Variants in RXRA observed in about 807,000 individuals in gnomAD.
RXRA encodes retinoic acid receptor RXR-alpha.
A neutral mutation model predicts 44.5 loss-of-function variants in RXRA; 5 were observed. That is an observed-to-expected ratio of 0.11 (90% CI 0.06 to 0.24). The LOEUF is 0.24. Among genes scored for constraint, RXRA ranks in the 10% least tolerant of loss-of-function variants. The pLI, the probability that RXRA is intolerant of heterozygous loss-of-function variation, is 1.00. For synonymous variants in RXRA, 291 were observed against 271.4 expected (o/e 1.07, Z -0.71); for missense variants, 412 against 646.5 (o/e 0.64, Z 3.93).
intron 1 of RXRA, among the ~76,000 whole-genome samples, chr9:134,339,729 G>A (rs1830061784): frequency 6.7e-6 from 1 of 149,804 alleles, no homozygotes; most frequent in South Asian, 2.1e-4. Context: ...GCCTGTGTGT[G>A]TGTGTCTATG....
chr9:134,391,504 CG>C (rs1830799288), intron 1 of RXRA, among the ~76,000 whole-genome samples: 1 of 152,242 alleles, frequency 6.6e-6, no homozygotes, highest in East Asian at 1.9e-4. Flanking sequence ...GCCACACAGG[CG>C]GGCTGTGGGG....
rs1831664018 is a variant in RXRA at position 134,438,309 on chromosome 9, G to A, written c.*1695G>A. 1 of 152,308 alleles carries A rather than the reference G, an allele frequency of 6.6e-6. No homozygotes were observed. The highest frequency in any genetic ancestry group is 1.5e-5 in the Non-Finnish European group (1 of 68,102). 9.4% of individuals were successfully genotyped at this position (152,308 alleles called of 1,614,324 possible). On this transcript the variant is annotated 3_prime_UTR_variant, in exon 10 of 10. Coordinates refer to ENST00000481739, the MANE Select transcript of RXRA (RefSeq NM_002957.6). ...TTGGACCGGGAGGCAGTGGCTTGGA[G>A]AGGCAGCTTTCCAGCCTTGGTGGGG... is the stretch of plus-strand genomic sequence containing the variant.
At chr9:134,360,738 G>A (rs1478160077) in intron 1 of RXRA, among the ~76,000 whole-genome samples, 1 of 152,196 alleles carries the variant, frequency 6.6e-6, no homozygotes, top group Non-Finnish European at 1.5e-5. Flanking sequence ...GTTCTGGCTA[G>A]AATCTCCTGG....
chr9:134,417,304 A>G lies in RXRA; in HGVS notation c.757A>G (p.Asn253Asp), dbSNP rs1310625281. Residue 253 changes from asparagine to aspartate, a missense_variant, in exon 5 of 10, where the codon AAC (asparagine) becomes GAC (aspartate). Transcript: ENST00000481739. This position sits in a 1 kb window ranked among gnomAD's most constrained non-coding sequence, Gnocchi z 6.1. ...CAAGACCGAGACCTACGTGGAGGCA[A>G]ACATGGGGCTGAACCCCAGCTCGGT... ...EPKTETYVEA[N>D]MGLNPSSPND... is the part of the protein sequence containing the mutation. 3.1e-6 allele frequency: 5 copies of G among 1,613,734 alleles called. No homozygotes were observed. Among genetic ancestry groups the G allele is most frequent in the Non-Finnish European group, 4.2e-6 (5 of 1,179,950 alleles).
chr9:134,362,684 A>G (rs1376440010), intron 1 of RXRA, among the ~76,000 whole-genome samples: 3 of 152,148 alleles, frequency 2.0e-5, no homozygotes, highest in Non-Finnish European at 4.4e-5. Context: ...ACCTACAGAC[A>G]CACACTGCCG....
chr9:134,372,795 C>T (rs1830506554), intron 1 of RXRA, among the ~76,000 whole-genome samples: 1 of 152,220 alleles, frequency 6.6e-6, no homozygotes, highest in Non-Finnish European at 1.5e-5. Flanking sequence ...GCAGGCGAGT[C>T]CTGGCTCTGC....
At chr9:134,353,699 G>A (rs1237681803) in intron 1 of RXRA, among the ~76,000 whole-genome samples, 1 of 152,232 alleles carries the variant, frequency 6.6e-6, no homozygotes, top group Non-Finnish European at 1.5e-5. Context: ...GGGTGGGGGT[G>A]CCAGGCCCTG....
At chr9:134,350,747 G>T (rs1484178890) in intron 1 of RXRA, among the ~76,000 whole-genome samples, 4 of 152,248 alleles carry the variant, frequency 2.6e-5, no homozygotes, top group Admixed American at 6.5e-5. Context: ...CGAGGTGGGT[G>T]GGGGTGGGGA....
Position 134,437,686 on chromosome 9 carries a change from CCG to C in RXRA, c.*1075_*1076del, listed in dbSNP as rs1831647834. 6.6e-6 allele frequency: 1 copy of C among 152,332 alleles called. No individual in the cohort carries two copies. Among genetic ancestry groups the C allele is most frequent in the Non-Finnish European group, 1.5e-5 (1 of 68,144 alleles). The allele number at this position is 152,332 out of a possible 1,614,324, so 9.4% of individuals were successfully genotyped here. On this transcript the variant is annotated 3_prime_UTR_variant, in exon 10 of 10. Transcript: ENST00000481739. Reference sequence around the variant, plus strand: ...GAGCCTCGTGGGTGGGGCAGATGCTCCGCGGCCTGGAGTGGCTCTGCCGGGGC... The same window carrying C: ...GAGCCTCGTGGGTGGGGCAGATGCTCCGGCCTGGAGTGGCTCTGCCGGGGC...
At chr9:134,350,084 G>C (rs1218330126) in intron 1 of RXRA, among the ~76,000 whole-genome samples, 1 of 151,952 alleles carries the variant, frequency 6.6e-6, no homozygotes, top group East Asian at 1.9e-4. Context: ...GTAGGGGGGG[G>C]TGGAAGGTGG....
intron 1 of RXRA, among the ~76,000 whole-genome samples, chr9:134,396,042 G>A (rs1014096500): frequency 2.6e-5 from 4 of 152,190 alleles, no homozygotes; most frequent in Non-Finnish European, 4.4e-5. Flanking sequence ...AGCCCACCCC[G>A]CCGAGGGCCC....
intron 6 of RXRA, chr9:134,425,271 C>T (rs1260083844): frequency 3.5e-5 from 34 of 985,256 alleles, no homozygotes; most frequent in African/African-American, 5.2e-5. Flanking sequence ...GGCTGCTGCC[C>T]TACCCGTCCA....
intron 1 of RXRA, among the ~76,000 whole-genome samples, chr9:134,387,517 C>G (rs911472763): frequency 6.6e-6 from 1 of 152,276 alleles, no homozygotes; most frequent in African/African-American, 2.4e-5. Context: ...TTTAGCCCAG[C>G]CTTCCTCAGC....
At chr9:134,424,950 C>T in intron 6 of RXRA, 3 of 985,476 alleles carry the variant, frequency 3.0e-6, no homozygotes, top group Non-Finnish European at 3.6e-6. Flanking sequence ...TGTCCCTGTG[C>T]TAGGCCCTCC....
intron 2 of RXRA, chr9:134,405,952 C>G (rs1831043895): frequency 6.6e-6 from 1 of 152,324 alleles, no homozygotes; most frequent in South Asian, 2.1e-4. Flanking sequence ...CCTGGGACAC[C>G]CCTTTCTTCC....
chr9:134,341,875 G>T (rs1393730627), intron 1 of RXRA, among the ~76,000 whole-genome samples: 1 of 152,138 alleles, frequency 6.6e-6, no homozygotes, highest in Non-Finnish European at 1.5e-5. Context: ...TGCGTGACTG[G>T]CAGCGTCACT....
intron 1 of RXRA, among the ~76,000 whole-genome samples, chr9:134,362,759 G>T (rs1284001405): frequency 3.3e-5 from 5 of 152,232 alleles, no homozygotes; most frequent in Admixed American, 6.5e-5. Context: ...CCCACTTTCT[G>T]TCGGCCCCTC....
intron 1 of RXRA, among the ~76,000 whole-genome samples, chr9:134,327,424 C>A (rs952913443): frequency 6.6e-6 from 1 of 152,150 alleles, no homozygotes; most frequent in African/African-American, 2.4e-5. Flanking sequence ...CCAGACCTAC[C>A]GAGAAGGGGG....
intron 1 of RXRA, among the ~76,000 whole-genome samples, chr9:134,371,388 C>T (rs1238438242): frequency 6.6e-6 from 1 of 152,216 alleles, no homozygotes; most frequent in Admixed American, 6.5e-5. Context: ...TCAGGCAGGG[C>T]CAGGGTAGCC....
Sources: allele counts gnomAD v4.1 joint callset (sites outside exome capture counted in the v4.1 genomes callset), GRCh38; gene constraint gnomAD v4.1.1; non-coding constraint Gnocchi (gnomAD v3.1); transcripts MANE v1.5; gene names NCBI Gene and HGNC (gene_info 2026-07-23, HGNC 2026-07-21).